Variants in RANBP17 observed in about 807,000 individuals in gnomAD.
RANBP17 encodes the protein RAN binding protein 17.
A neutral mutation model predicts 141.2 loss-of-function variants in RANBP17; 158 were observed. The observed-to-expected ratio is 1.12, with a 90% CI of 0.98 to 1.28. The LOEUF is 1.28. RANBP17 is among the 50% of genes most tolerant of loss of function. The pLI is 0.00. For missense variants in RANBP17, 1,438 were observed against 1,290.7 expected, an observed-to-expected ratio of 1.11 and a Z score of -1.75; for synonymous variants, 430 against 450.0, an observed-to-expected ratio of 0.96 and a Z score of 0.56.
At chr5:171,293,775 A>G (rs1259620902) in intron 25 of RANBP17, 108 bp from the exon 26 acceptor site, 2 of 817,634 alleles carry the variant, frequency 2.4e-6, no homozygotes, top group African/African-American at 1.7e-5. Context: ...AAGAGCTTTC[A>G]TAGCTGTTAG....
At chr5:171,268,836 C>T (rs1766913945) in intron 25 of RANBP17, among the ~76,000 whole-genome samples, 1 of 152,170 alleles carries the variant, frequency 6.6e-6, no homozygotes, top group African/African-American at 2.4e-5. Flanking sequence ...CACAAATCAA[C>T]AGGCTATGGC....
chr5:171,107,923 C>T (rs1000730011), intron 14 of RANBP17, among the ~76,000 whole-genome samples: 1 of 152,166 alleles, frequency 6.6e-6, no homozygotes, highest in South Asian at 2.1e-4. Flanking sequence ...CGTACATCTT[C>T]ATTAGGAAGG....
chr5:171,056,311 C>T (rs981828565), intron 14 of RANBP17, among the ~76,000 whole-genome samples: 7 of 152,042 alleles, frequency 4.6e-5, no homozygotes, highest in Non-Finnish European at 8.8e-5. Flanking sequence ...TGTCAAAGTT[C>T]TATAGCTGAC....
chr5:170,889,558 A>G (rs1333176657), intron 3 of RANBP17, among the ~76,000 whole-genome samples: 1 of 152,206 alleles, frequency 6.6e-6, no homozygotes, highest in East Asian at 1.9e-4. Context: ...ACAGAATAAT[A>G]GTAATACATA....
chr5:170,890,143 C>T (rs966870088), intron 3 of RANBP17, among the ~76,000 whole-genome samples: 3 of 152,146 alleles, frequency 2.0e-5, no homozygotes, highest in East Asian at 1.9e-4. Flanking sequence ...GATTACCCTC[C>T]TCCTAGTGGT....
chr5:170,876,246 G>A (rs1051938825), intron 1 of RANBP17, among the ~76,000 whole-genome samples: 5 of 151,970 alleles, frequency 3.3e-5, no homozygotes, highest in African/African-American at 1.2e-4. Flanking sequence ...CCTCCCTGTG[G>A]GTTACCCCAA....
chr5:170,932,722 C>A (rs1480876741), intron 12 of RANBP17, among the ~76,000 whole-genome samples: 1 of 152,040 alleles, frequency 6.6e-6, no homozygotes, highest in African/African-American at 2.4e-5. Flanking sequence ...TATTGATTTG[C>A]ATATGTTGAA....
intron 12 of RANBP17, among the ~76,000 whole-genome samples, chr5:170,935,594 T>C (rs1218920094): frequency 1.3e-5 from 2 of 152,182 alleles, no homozygotes; most frequent in African/African-American, 4.8e-5. Context: ...CCTGTTTGCC[T>C]GGGTATCACC....
At position 171,089,277 on chromosome 5, in the gene RANBP17, CA is replaced by C. The variant is rs1785994029; in HGVS notation, c.1711-80852del. Among the ~76,000 whole-genome samples the C allele has an allele frequency of 2.0e-5, 2 of 98,104 alleles. 1 individual carries two copies. Among genetic ancestry groups the C allele is most frequent in the Non-Finnish European group, 4.8e-5 (2 of 41,516 alleles). 64.4% of individuals were successfully genotyped at this position (98,104 alleles called of 152,430 possible). On this transcript the variant is annotated intron_variant, in intron 14 of 27. Transcript: ENST00000523189. ...CCTCCCAGTTAGGCTGCTCGGGGGT[CA>C]CGGGTCAGGGACCCACTTGAGGAGG... is the stretch of plus-strand genomic sequence containing the variant.
In RANBP17 at chr5:170,953,651, CAT is replaced by C. The variant is rs770829041; in HGVS notation, c.1527_1528del (p.Thr510GlnfsTer4). ...GGGACAGTTGTAGGAGGAAGATTAA[CAT>C]ATACCAGTACAGATGAGCATGATGC... On this transcript the variant is annotated frameshift_variant, in exon 13 of 28. Transcript: ENST00000523189. LOFTEE classifies it high-confidence loss of function. 1.2e-6 allele frequency: 2 copies of C among 1,611,830 alleles called. No homozygotes were observed. Among genetic ancestry groups the C allele is most frequent in the East Asian group, 4.5e-5 (2 of 44,762 alleles).
At chr5:171,178,857 T>G (rs1156507246) in intron 16 of RANBP17, among the ~76,000 whole-genome samples, 3 of 152,212 alleles carry the variant, frequency 2.0e-5, no homozygotes, top group Non-Finnish European at 4.4e-5. Context: ...CGCCCACTTT[T>G]TGATGGGGTT....
chr5:171,068,801 A>G (rs563424483), intron 14 of RANBP17, among the ~76,000 whole-genome samples: 7 of 152,154 alleles, frequency 4.6e-5, no homozygotes, highest in Admixed American at 4.6e-4. Flanking sequence ...ATGTCGGCCA[A>G]GGTCAAACTC....
intron 14 of RANBP17, among the ~76,000 whole-genome samples, chr5:171,108,107 G>A (rs1409878760): frequency 7.2e-5 from 11 of 151,868 alleles, no homozygotes; most frequent in Non-Finnish European, 2.9e-5. Flanking sequence ...TTACTCATCT[G>A]CCTGTTGTGT....
Position 171,171,304 on chromosome 5 carries a change from T to C in RANBP17, c.1865+18T>C, listed in dbSNP as rs1217346802. The C allele has an allele frequency of 2.9e-6, 4 of 1,360,996 alleles. No homozygotes were observed. The highest frequency in any genetic ancestry group is 4.1e-6 in the Non-Finnish European group (4 of 968,338). 84.3% of individuals were successfully genotyped at this position (1,360,996 alleles called of 1,614,324 possible). Reference sequence around the variant, plus strand: ...TCTGTTGGATATCCTTTTCACTGTATATCTGACATTATGTGTAAACAACCT... The same window carrying C: ...TCTGTTGGATATCCTTTTCACTGTACATCTGACATTATGTGTAAACAACCT... On this transcript the variant is annotated intron_variant, in intron 16 of 27. Coordinates refer to ENST00000523189, the MANE Select transcript of RANBP17 (RefSeq NM_022897.5).
chr5:171,157,501 A>G (rs1758990383), intron 14 of RANBP17, among the ~76,000 whole-genome samples: 1 of 152,226 alleles, frequency 6.6e-6, no homozygotes. Context: ...CTCTTCAGTG[A>G]TGAACATTGA....
At chr5:170,918,559 C>T (rs1047073291) in intron 9 of RANBP17, among the ~76,000 whole-genome samples, 154 bp from the exon 10 acceptor site, 9 of 151,820 alleles carry the variant, frequency 5.9e-5, no homozygotes, top group Middle Eastern at 3.2e-3. Flanking sequence ...AGCAAGAATC[C>T]CTCTATTTTT....
intron 24 of RANBP17, chr5:171,252,386 T>A (rs1022138319): frequency 5.2e-6 from 8 of 1,535,954 alleles, no homozygotes; most frequent in Non-Finnish European, 7.2e-6. Flanking sequence ...TGTGAAACTA[T>A]GAGCAGCAAA....
intron 14 of RANBP17, among the ~76,000 whole-genome samples, chr5:171,061,814 C>G (rs1783885764): frequency 6.6e-6 from 1 of 152,148 alleles, no homozygotes; most frequent in Non-Finnish European, 1.5e-5. Flanking sequence ...CTTTGTAGGT[C>G]ACTCAGGACT....
chr5:171,062,948 G>T (rs914885154), intron 14 of RANBP17, among the ~76,000 whole-genome samples: 32 of 149,052 alleles, frequency 2.1e-4, no homozygotes, highest in African/African-American at 7.9e-4. Flanking sequence ...CCAGTTGATC[G>T]CATCGGCTCC....
Sources: allele counts gnomAD v4.1 joint callset (sites outside exome capture counted in the v4.1 genomes callset), GRCh38; gene constraint gnomAD v4.1.1; transcripts MANE v1.5; gene names NCBI Gene and HGNC (gene_info 2026-07-23, HGNC 2026-07-21).